Variants in INTS13 observed in about 807,000 individuals in gnomAD.
INTS13 encodes integrator complex subunit 13.
Under a neutral mutation model 90.2 loss-of-function variants are expected in INTS13, and 35 were observed. The ratio of observed to expected loss-of-function variants is 0.39; its 90% CI spans 0.30 to 0.51. The LOEUF (loss-of-function observed/expected upper bound fraction) is 0.51. Ranked by LOEUF, INTS13 falls within the 20% of genes least tolerant of loss-of-function variation. The pLI is 0.80. For missense variants in INTS13, 601 were observed against 851.2 expected, an observed-to-expected ratio of 0.71 and a Z score of 3.66; for synonymous variants, 309 against 277.1, an observed-to-expected ratio of 1.11 and a Z score of -1.14.
intron 3 of INTS13, among the ~76,000 whole-genome samples, chr12:26,931,385 A>G (rs1264511200): frequency 1.3e-5 from 2 of 152,168 alleles, no homozygotes; most frequent in African/African-American, 2.4e-5. Context: ...CAGAGGTTGC[A>G]GTGAGCCAAG....
intron 3 of INTS13, among the ~76,000 whole-genome samples, chr12:26,931,166 G>T (rs2137553036): frequency 6.6e-6 from 1 of 151,842 alleles, no homozygotes; most frequent in South Asian, 2.1e-4. Context: ...AAAGAAGCCG[G>T]GCACGGTGGC....
intron 3 of INTS13, among the ~76,000 whole-genome samples, chr12:26,932,598 C>T (rs930812096): frequency 1.3e-5 from 2 of 152,140 alleles, no homozygotes; most frequent in African/African-American, 2.4e-5. Flanking sequence ...GAACTTACTG[C>T]GATGATGGAA....
intron 13 of INTS13, 59 bp from the exon 14 acceptor site, chr12:26,913,746 T>G (rs1951856198): frequency 2.1e-6 from 3 of 1,421,138 alleles, no homozygotes; most frequent in South Asian, 1.3e-5. Flanking sequence ...TTTCTAGTGG[T>G]AAAGTAAAAA....
intron 3 of INTS13, among the ~76,000 whole-genome samples, chr12:26,930,306 T>C (rs1281338782): frequency 6.6e-6 from 1 of 152,190 alleles, no homozygotes; most frequent in African/African-American, 2.4e-5. Context: ...CTAAAATTCA[T>C]ATGGAATTGC....
chr12:26,931,315 A>T (rs1251985967), intron 3 of INTS13, among the ~76,000 whole-genome samples: 2 of 151,922 alleles, frequency 1.3e-5, no homozygotes, highest in African/African-American at 4.8e-5. Flanking sequence ...ATGGTGGCAC[A>T]CACCTGTAGT....
chr12:26,925,820 A>G lies in INTS13; in HGVS notation c.616T>C (p.Leu206=). ...TCACCAACTGGGTAGGTGTGGATCA[A>G]GACCAACTCACATTTTTGAATCTGC... ...LMQIQKCELV[L]IHTYPVGEDS... Residue 206 remains leucine, a synonymous_variant, in exon 6 of 17, where the codon TTG becomes CTG. Coordinates refer to ENST00000261191, the MANE Select transcript of INTS13 (RefSeq NM_018164.3). 6.2e-7 allele frequency: 1 copy of G among 1,613,070 alleles called. No individual in the cohort carries two copies. The highest frequency in any genetic ancestry group is 1.7e-5 in the Admixed American group (1 of 59,974).
upstream of INTS13, chr12:26,938,074 C>G (rs1162048983): frequency 6.5e-6 from 1 of 152,716 alleles, no homozygotes; most frequent in African/African-American, 2.4e-5. Context: ...CCTTCCCCCT[C>G]GTAGGGCCAG....
chr12:26,918,886 G>GAGTA (rs1271358102), intron 8 of INTS13, among the ~76,000 whole-genome samples: 22 of 152,260 alleles, frequency 1.4e-4, no homozygotes, highest in African/African-American at 5.1e-4. Context: ...GTAAAGAAAT[G>GAGTA]GAACAGATGC....
chr12:26,914,337 AT>A, intron 12 of INTS13, 70 bp downstream of exon 12: 1 of 1,409,320 alleles, frequency 7.1e-7, no homozygotes, highest in Middle Eastern at 2.0e-4. Context: ...TAAATTACAA[AT>A]TGTCTAATTG....
intron 8 of INTS13, among the ~76,000 whole-genome samples, chr12:26,921,740 C>A (rs1952123817): frequency 6.6e-6 from 1 of 152,186 alleles, no homozygotes; most frequent in African/African-American, 2.4e-5. Context: ...ACTGCAACCT[C>A]CGCCTCCCAG....
At chr12:26,917,839 A>AAC in intron 8 of INTS13, 106 bp from the exon 9 acceptor site, 1 of 497,874 alleles carries the variant, frequency 2.0e-6, no homozygotes, top group East Asian at 5.7e-5. Flanking sequence ...AAATAATAAA[A>AAC]GCGGCCGGGT....
intron 1 of INTS13, among the ~76,000 whole-genome samples, chr12:26,937,230 T>G (rs1938511868): frequency 6.6e-6 from 1 of 152,218 alleles, no homozygotes; most frequent in African/African-American, 2.4e-5. Context: ...CCAGCATTTT[T>G]GCACTTCCCT....
At chr12:26,913,712 CTT>C in intron 13 of INTS13, 25 bp from the exon 14 acceptor site, 1 of 1,551,156 alleles carries the variant, frequency 6.4e-7, no homozygotes, top group Non-Finnish European at 8.8e-7. Flanking sequence ...TGGAAATACT[CTT>C]TAAATAATAT....
intron 6 of INTS13, among the ~76,000 whole-genome samples, chr12:26,925,504 C>T (rs1047166420): frequency 1.6e-4 from 24 of 151,908 alleles, no homozygotes; most frequent in Non-Finnish European, 3.5e-4. Flanking sequence ...AGGAACAATA[C>T]AAACTATGTA....
At position 26,922,680 on chromosome 12, in the gene INTS13, T is replaced by C. The variant is rs145706509; in HGVS notation, c.825A>G (p.Thr275=). 177 of 1,585,786 alleles carry C rather than the reference T, an allele frequency of 1.1e-4. 3 individuals are homozygous for C. Among genetic ancestry groups the C allele is most frequent in the East Asian group, 8.5e-4 (37 of 43,368 alleles). ...GTAGCTCCACATCATAATTGGCAGA[T>C]GTGTTAGCATGCTGTTCTTCCTTGA... is the stretch of plus-strand genomic sequence containing the variant. The part of the protein sequence containing the change: ...IPMKEEQHAN[T]SANYDVELLH... Residue 275 remains threonine, a synonymous_variant, in exon 8 of 17, where the codon ACA becomes ACG. Transcript: ENST00000261191.
At chr12:26,929,916 T>C (rs4964028) in intron 3 of INTS13, among the ~76,000 whole-genome samples, 20,777 of 151,996 alleles carry the variant, frequency 0.14, 1,582 homozygotes, top group Admixed American at 0.23. Context: ...GATCCTGAAT[T>C]TACGAAATCC....
chr12:26,925,428 T>C (rs1288168674), intron 6 of INTS13, among the ~76,000 whole-genome samples: 1 of 152,092 alleles, frequency 6.6e-6, no homozygotes, highest in Non-Finnish European at 1.5e-5. Context: ...TGTTAAAGAG[T>C]GTATTGCTTT....
intron 6 of INTS13, among the ~76,000 whole-genome samples, chr12:26,925,077 G>A (rs987867347): frequency 6.6e-6 from 1 of 151,896 alleles, no homozygotes; most frequent in Admixed American, 6.6e-5. Flanking sequence ...AAAAGAGGCA[G>A]AAAAAAGTTA....
Position 26,916,055 on chromosome 12 carries a change from G to C in INTS13, c.1195C>G (p.Pro399Ala). 1 of 1,613,716 alleles carries C rather than the reference G, an allele frequency of 6.2e-7. No homozygotes were observed. Among genetic ancestry groups the C allele is most frequent in the South Asian group, 1.1e-5 (1 of 91,046 alleles). Residue 399 changes from proline to alanine, a missense_variant, in exon 11 of 17, where the codon CCA becomes GCA. By Grantham distance (27) the Pro-to-Ala change is conservative. Coordinates refer to ENST00000261191, the MANE Select transcript of INTS13 (RefSeq NM_018164.3). ...LSSSRSILED[P>A]PSISEGCGGR... is the part of the protein sequence containing the mutation. ...CCACATCCTTCACTAATTGAAGGTG[G>C]ATCTTCTAGAATGGATCGAGAACTG... is the stretch of plus-strand genomic sequence containing the variant.
Sources: allele counts gnomAD v4.1 joint callset (sites outside exome capture counted in the v4.1 genomes callset), GRCh38; gene constraint gnomAD v4.1.1; transcripts MANE v1.5; gene names NCBI Gene and HGNC (gene_info 2026-07-23, HGNC 2026-07-21).